Variants in RREB1 observed in about 807,000 individuals in gnomAD.
RREB1 encodes ras-responsive element-binding protein 1.
RREB1 carries 27 observed loss-of-function variants against 117.8 expected under a neutral mutation model. The observed-to-expected ratio is 0.23, with a 90% CI of 0.17 to 0.32. The LOEUF (loss-of-function observed/expected upper bound fraction) is 0.32. Ranked by LOEUF, RREB1 falls within the 10% of genes least tolerant of loss-of-function variation. RREB1 has a pLI of 1.00. For synonymous variants in RREB1, 1,298 were observed against 1,026.7 expected (o/e 1.26, Z -5.05); for missense variants, 2,577 against 2,378.2 (o/e 1.08, Z -1.74).
intron 9 of RREB1, 61 bp downstream of exon 9, chr6:7,226,717 C>G (rs1767607320): frequency 1.5e-6 from 2 of 1,295,380 alleles, no homozygotes; most frequent in Non-Finnish European, 2.2e-6. Context: ...CACAGTTAGA[C>G]CATGGGAACT....
chr6:7,141,322 T>A (rs1762577727), intron 1 of RREB1, among the ~76,000 whole-genome samples: 1 of 152,086 alleles, frequency 6.6e-6, no homozygotes, highest in African/African-American at 2.4e-5. Flanking sequence ...CGCACTTTCC[T>A]CAGTTGCGAA....
intron 2 of RREB1, 76 bp from the exon 3 acceptor site, chr6:7,181,048 A>G (rs1244535072): frequency 7.6e-6 from 3 of 396,238 alleles, no homozygotes; most frequent in African/African-American, 2.1e-5. Flanking sequence ...GTCTAAGATT[A>G]TAGCCAATAA....
rs904615609 is a variant in RREB1, at chr6:7,250,247, T to C, written c.*1279T>C. ...GCCTTACCCAGCTGTGCTACTGTCATTTGCAAAGCAAGGAAATACTACTAC... is the reference window on the plus strand; with the variant it reads ...GCCTTACCCAGCTGTGCTACTGTCACTTGCAAAGCAAGGAAATACTACTAC... On this transcript the variant is annotated 3_prime_UTR_variant, in exon 13 of 13. Transcript: ENST00000379938. 1 of 152,152 alleles carries C rather than the reference T, an allele frequency of 6.6e-6. No individual in the cohort carries two copies. The highest frequency in any genetic ancestry group is 2.4e-5 in the African/African-American group (1 of 41,434). 9.4% of individuals were successfully genotyped at this position (152,152 alleles called of 1,614,324 possible). A position where few individuals can be genotyped will look rare whatever the true frequency, so the allele number is the denominator to read the frequency against.
intron 1 of RREB1, among the ~76,000 whole-genome samples, chr6:7,164,431 G>C (rs1222975194): frequency 6.6e-6 from 1 of 152,162 alleles, no homozygotes; most frequent in Non-Finnish European, 1.5e-5. Context: ...ACTCCAGGGG[G>C]ACTGTGGTAA....
In RREB1 at chr6:7,230,867, C is replaced by T; in HGVS notation, c.2768C>T (p.Ser923Phe). The T allele has an allele frequency of 6.2e-7, 1 of 1,614,244 alleles. No individual in the cohort carries two copies. Among genetic ancestry groups the T allele is most frequent in the Non-Finnish European group, 8.5e-7 (1 of 1,180,042 alleles). The stretch of plus-strand genomic sequence containing the variant: ...GAAAACATCTCCTTTCTGAGCCCTT[C>T]TTCCCTGGTCCCCTATGACTGCTCC... ...KQENISFLSPSSLVPYDCSME... is the reference protein window; with the variant it reads ...KQENISFLSPFSLVPYDCSME... The change falls in exon 10 of 13, where the codon TCT becomes TTT. Residue 923 changes from serine to phenylalanine, a missense_variant. Ser to Phe is a radical substitution (Grantham distance 155). Coordinates refer to ENST00000379938, the MANE Select transcript of RREB1 (RefSeq NM_001003699.4).
chr6:7,180,355 A>G (rs1050142415), intron 2 of RREB1, among the ~76,000 whole-genome samples: 4 of 152,164 alleles, frequency 2.6e-5, no homozygotes, highest in Non-Finnish European at 5.9e-5. Context: ...AAGCCATGAG[A>G]AATCATATTC....
At position 7,205,193 on chromosome 6, in the gene RREB1, T is replaced by C. The variant is rs1419045768; in HGVS notation, c.426-5611T>C. 4.6e-5 allele frequency among the ~76,000 whole-genome samples: 7 copies of C among 152,170 alleles called. No individual in the cohort carries two copies. In the South Asian group the frequency reaches 1.4e-3, roughly 31 times the overall value. On this transcript the variant is annotated intron_variant, in intron 6 of 12. Transcript: ENST00000379938. ...GCTTCAGTATCACCTGCAGGGCTTG[T>C]GCAAGCCAGACTGCTGGGCCCCGAC...
At chr6:7,240,628 C>T (rs1561805189) in intron 11 of RREB1, 26 bp downstream of exon 11, 1 of 1,597,836 alleles carries the variant, frequency 6.3e-7, no homozygotes, top group Admixed American at 1.7e-5. Context: ...GAACAAGAAC[C>T]CAGGAAGAGG....
chr6:7,221,038 T>G (rs1767217164), intron 8 of RREB1, among the ~76,000 whole-genome samples: 1 of 152,222 alleles, frequency 6.6e-6, no homozygotes, highest in Non-Finnish European at 1.5e-5. Context: ...TTGGGAAGGC[T>G]GGATGAACCC....
At chr6:7,159,738 C>T (rs1763556481) in intron 1 of RREB1, among the ~76,000 whole-genome samples, 1 of 152,166 alleles carries the variant, frequency 6.6e-6, no homozygotes, top group Non-Finnish European at 1.5e-5. Flanking sequence ...GCCTGCCAGT[C>T]TCCTTAACTC....
chr6:7,251,329 T>G lies in RREB1; in HGVS notation c.*2361T>G, dbSNP rs1416168889. ...CAATATTAAACTGTGAAATTTGTGA[T>G]TTGTTTAAACTCTGGGTGAATCATA... On this transcript the variant is annotated 3_prime_UTR_variant, in exon 13 of 13. Coordinates refer to ENST00000379938, the MANE Select transcript of RREB1 (RefSeq NM_001003699.4). The G allele has an allele frequency of 6.6e-6, 1 of 152,070 alleles. No individual in the cohort carries two copies. Among genetic ancestry groups the G allele is most frequent in the African/African-American group, 2.4e-5 (1 of 41,388 alleles). 9.4% of individuals were successfully genotyped at this position (152,070 alleles called of 1,614,324 possible). A position where few individuals can be genotyped will look rare whatever the true frequency, so the allele number is the denominator to read the frequency against.
chr6:7,148,635 T>C (rs1237973623), intron 1 of RREB1, among the ~76,000 whole-genome samples: 1 of 152,126 alleles, frequency 6.6e-6, no homozygotes, highest in Non-Finnish European at 1.5e-5. Context: ...AAAGGCTGAA[T>C]TAATCATACA....
At chr6:7,182,499 A>T (rs1764861405) in intron 4 of RREB1, among the ~76,000 whole-genome samples, 1 of 152,200 alleles carries the variant, frequency 6.6e-6, no homozygotes, top group African/African-American at 2.4e-5. Context: ...TCTATCCTTG[A>T]AAAAGCACAG....
chr6:7,143,050 A>G (rs1380917191), intron 1 of RREB1, among the ~76,000 whole-genome samples: 4 of 152,176 alleles, frequency 2.6e-5, no homozygotes, highest in Non-Finnish European at 5.9e-5. Context: ...ACTTGTCTTG[A>G]GACAAATGAA....
intron 8 of RREB1, chr6:7,213,169 T>C (rs1766713625): frequency 6.6e-6 from 1 of 152,128 alleles, no homozygotes; most frequent in Admixed American, 6.6e-5. Context: ...TATTTATTTA[T>C]TTTTGGGTTT....
intron 1 of RREB1, among the ~76,000 whole-genome samples, chr6:7,153,360 T>TTTTTTTATGTATGATTACATAA (rs1763211322): frequency 3.3e-5 from 5 of 151,652 alleles, no homozygotes; most frequent in African/African-American, 9.7e-5. Context: ...ATTGAAACCC[T>TTTTTTTATGTATGATTACATAA]TTACTCTTGC....
At chr6:7,172,555 A>G (rs559075570) in intron 1 of RREB1, among the ~76,000 whole-genome samples, 5 of 152,140 alleles carry the variant, frequency 3.3e-5, no homozygotes, top group African/African-American at 4.8e-5. Flanking sequence ...GCTCTCCCCA[A>G]TCTCTTAGGA....
At chr6:7,117,644 G>C (rs1761473685) in intron 1 of RREB1, among the ~76,000 whole-genome samples, 1 of 151,900 alleles carries the variant, frequency 6.6e-6, no homozygotes, top group East Asian at 1.9e-4. Context: ...CCTGACCTCA[G>C]GTGATCTGCC....
chr6:7,211,632 C>G lies in RREB1; in HGVS notation c.630C>G (p.Cys210Trp). The part of the protein sequence containing the change: ...LEKKADEVFH[C>W]PVCFKEFVCK... ...AGAAAGCTGATGAAGTCTTTCACTG[C>G]CCAGTATGTTTCAAGGAGTTTGTTT... Residue 210 changes from cysteine to tryptophan, a missense_variant, in exon 8 of 13, where the codon TGC (cysteine) becomes TGG (tryptophan). Coordinates refer to ENST00000379938, the MANE Select transcript of RREB1 (RefSeq NM_001003699.4). 1 of 1,613,720 alleles carries G rather than the reference C, an allele frequency of 6.2e-7. No individual in the cohort carries two copies. Among genetic ancestry groups the G allele is most frequent in the Non-Finnish European group, 8.5e-7 (1 of 1,179,666 alleles).
Sources: allele counts gnomAD v4.1 joint callset (sites outside exome capture counted in the v4.1 genomes callset), GRCh38; gene constraint gnomAD v4.1.1; transcripts MANE v1.5; gene names NCBI Gene and HGNC (gene_info 2026-07-23, HGNC 2026-07-21).